XPO6: variants seen among roughly 807,000 people sequenced by gnomAD.
The protein encoded by XPO6 is exportin-6.
In XPO6, 3 loss-of-function variants were observed where a neutral mutation model predicts 130.0. That is an observed-to-expected ratio of 0.02 (90% CI 0.01 to 0.06). The LOEUF is 0.06. Ranked by LOEUF, XPO6 falls within the 10% of genes least tolerant of loss-of-function variation. The pLI is 1.00. For missense variants in XPO6, 970 were observed against 1,393.0 expected (o/e 0.70, Z 4.83); for synonymous variants, 524 against 548.9 (o/e 0.95, Z 0.63).
At chr16:28,176,197 CT>C in intron 3 of XPO6, 102 bp from the exon 4 acceptor site, 2 of 1,081,308 alleles carry the variant, frequency 1.8e-6, no homozygotes, top group Non-Finnish European at 2.7e-6. Context: ...ACAAGAATCC[CT>C]CTTTAAATAA....
At chr16:28,198,280 T>C (rs2043899638) in intron 1 of XPO6, among the ~76,000 whole-genome samples, 1 of 151,896 alleles carries the variant, frequency 6.6e-6, no homozygotes, top group Non-Finnish European at 1.5e-5. Flanking sequence ...GAAAAAAGAC[T>C]AGAAGGAAGC....
intron 1 of XPO6, among the ~76,000 whole-genome samples, chr16:28,192,630 T>C (rs28587926): frequency 1 from 151,606 of 152,216 alleles, 75,508 homozygotes; most frequent in Middle Eastern, 1. Flanking sequence ...GACCTCACAC[T>C]GGGTAGATGT....
chr16:28,172,886 T>C (rs1408269024), intron 4 of XPO6, among the ~76,000 whole-genome samples: 2 of 152,066 alleles, frequency 1.3e-5, no homozygotes, highest in African/African-American at 4.8e-5. Context: ...CTGAAGAAAA[T>C]GTTTACAGTT....
chr16:28,169,937 G>C (rs775570262), intron 4 of XPO6, 28 bp from the exon 5 acceptor site: 1 of 1,612,508 alleles, frequency 6.2e-7, no homozygotes, highest in African/African-American at 1.3e-5. Flanking sequence ...GTTCTGAGCA[G>C]AGTGTTGGAC....
intron 4 of XPO6, among the ~76,000 whole-genome samples, chr16:28,171,783 A>C: frequency 6.6e-6 from 1 of 152,204 alleles, no homozygotes; most frequent in Non-Finnish European, 1.5e-5. Context: ...CAGTGTAGGG[A>C]GGACAGGAAA....
intron 6 of XPO6, among the ~76,000 whole-genome samples, chr16:28,164,055 T>C (rs919181972): frequency 2.0e-5 from 3 of 152,298 alleles, no homozygotes; most frequent in African/African-American, 7.2e-5. Flanking sequence ...AAGGAGTTGT[T>C]GCAGGAACTA....
intron 3 of XPO6, among the ~76,000 whole-genome samples, chr16:28,176,669 T>C (rs2141863712): frequency 6.6e-6 from 1 of 151,680 alleles, no homozygotes; most frequent in East Asian, 1.9e-4. Flanking sequence ...GGCTAATTTT[T>C]TTTTTTTTTT....
chr16:28,168,324 A>T (rs1479307706), intron 5 of XPO6, among the ~76,000 whole-genome samples: 3 of 151,978 alleles, frequency 2.0e-5, no homozygotes, highest in Admixed American at 6.6e-5. Flanking sequence ...GTCTAGTAAA[A>T]ATACAAAAAT....
chr16:28,191,928 T>C (rs2043792658), intron 1 of XPO6, among the ~76,000 whole-genome samples: 1 of 152,168 alleles, frequency 6.6e-6, no homozygotes, highest in African/African-American at 2.4e-5. Flanking sequence ...ACCACCTTCA[T>C]CCTGAATTAT....
intron 9 of XPO6, among the ~76,000 whole-genome samples, chr16:28,139,237 C>G (rs1342046801): frequency 6.6e-6 from 1 of 152,162 alleles, no homozygotes; most frequent in Admixed American, 6.5e-5. Context: ...CACATGCACA[C>G]AAGAAAGGCC....
At chr16:28,143,048 G>C (rs1490543696) in intron 9 of XPO6, among the ~76,000 whole-genome samples, 5 of 152,174 alleles carry the variant, frequency 3.3e-5, no homozygotes, top group African/African-American at 1.2e-4. Flanking sequence ...GGCATTATAT[G>C]AAAGTGTTAT....
At chr16:28,143,063 A>C (rs1240406766) in intron 9 of XPO6, among the ~76,000 whole-genome samples, 2 of 152,210 alleles carry the variant, frequency 1.3e-5, no homozygotes, top group East Asian at 3.8e-4. Flanking sequence ...TGTTATGTTT[A>C]AAAAAGAATA....
intron 8 of XPO6, among the ~76,000 whole-genome samples, chr16:28,149,324 C>T (rs1028801929): frequency 6.6e-6 from 1 of 152,078 alleles, no homozygotes; most frequent in East Asian, 1.9e-4. Context: ...GAGGCGCTGG[C>T]GGCAGGGCAT....
intron 15 of XPO6, among the ~76,000 whole-genome samples, chr16:28,116,511 C>T (rs2087062364): frequency 6.6e-6 from 1 of 151,252 alleles, no homozygotes; most frequent in African/African-American, 2.4e-5. Context: ...TTTGGCCTAT[C>T]CTGGCTTTTG....
intron 1 of XPO6, among the ~76,000 whole-genome samples, chr16:28,204,457 G>T (rs2043998160): frequency 6.6e-6 from 1 of 151,882 alleles, no homozygotes; most frequent in African/African-American, 2.4e-5. Context: ...CAAAGGCCTG[G>T]AGCAGGAACA....
chr16:28,164,177 G>T (rs2043320796), intron 6 of XPO6, among the ~76,000 whole-genome samples: 1 of 152,120 alleles, frequency 6.6e-6, no homozygotes, highest in Non-Finnish European at 1.5e-5. Context: ...TAAGACACAG[G>T]GCAGGAGAGC....
At position 28,106,455 on chromosome 16, in the gene XPO6, C is replaced by T. The variant is rs1469836772; in HGVS notation, c.2540G>A (p.Arg847Gln). 1.7e-5 allele frequency: 28 copies of T among 1,613,990 alleles called. No homozygotes were observed. Among genetic ancestry groups the T allele is most frequent in the East Asian group, 4.5e-5 (2 of 44,900 alleles). The change falls in exon 19 of 24, where the codon CGA becomes CAA. Residue 847 changes from arginine (R) to glutamine (Q), a missense_variant. Arg to Gln is a conservative substitution (Grantham distance 43). Coordinates refer to ENST00000304658, the MANE Select transcript of XPO6 (RefSeq NM_015171.4). The surrounding 1 kb of genome is among the most constrained non-coding windows in gnomAD (Gnocchi z 4.2). ...CACACCCATCTGTACTCTAAGGCCT[C>T]GAAACAGAGTGAGGAAGAAGCTCAG... ...EMLSFFLTLF[R>Q]GLRVQMGVPF...
At chr16:28,154,232 C>T in intron 7 of XPO6, 1 of 928,186 alleles carries the variant, frequency 1.1e-6, no homozygotes, top group East Asian at 1.4e-4. Flanking sequence ...TAGGAAGGTG[C>T]ACTCAATTCC....
chr16:28,173,417 G>A (rs962437934), intron 4 of XPO6, among the ~76,000 whole-genome samples: 4 of 152,178 alleles, frequency 2.6e-5, no homozygotes, highest in Admixed American at 6.5e-5. Flanking sequence ...AGAAAGGGAA[G>A]CTTACCTAAG....
Sources: gnomAD v4.1 joint callset for allele counts (sites outside exome capture counted in the v4.1 genomes callset) on GRCh38, gnomAD v4.1.1 for gene constraint, Gnocchi (gnomAD v3.1) non-coding constraint, MANE v1.5 for transcripts, NCBI Gene and HGNC (gene_info 2026-07-23, HGNC 2026-07-21) for gene names.